MLIP: variants seen among roughly 807,000 people sequenced by gnomAD.
MLIP encodes muscular LMNA interacting protein.
Under a neutral mutation model 84.8 loss-of-function variants are expected in MLIP, and 79 were observed. The observed-to-expected ratio is 0.93, with a 90% confidence interval of 0.78 to 1.12. The LOEUF (loss-of-function observed/expected upper bound fraction) is 1.12. Among genes scored for constraint, MLIP ranks in the 50% most tolerant of loss-of-function variants. MLIP has a pLI of 0.00. For synonymous variants in MLIP, 504 were observed against 463.0 expected (o/e 1.09, Z -1.14); for missense variants, 1,257 against 1,160.6 (o/e 1.08, Z -1.21).
At chr6:54,030,919 C>T (rs1262511300) in intron 1 of MLIP, among the ~76,000 whole-genome samples, 2 of 151,986 alleles carry the variant, frequency 1.3e-5, no homozygotes, top group African/African-American at 4.8e-5. Flanking sequence ...AAATAGTGGA[C>T]ACAGTAGGGG....
At chr6:54,084,493 A>G (rs1767360073) in intron 1 of MLIP, among the ~76,000 whole-genome samples, 1 of 152,170 alleles carries the variant, frequency 6.6e-6, no homozygotes, top group African/African-American at 2.4e-5. Context: ...GAAATAAGAC[A>G]GGGAGAGGGT....
chr6:54,025,641 T>A (rs1270476385), intron 1 of MLIP, among the ~76,000 whole-genome samples: 1 of 152,210 alleles, frequency 6.6e-6, no homozygotes, highest in Non-Finnish European at 1.5e-5. Context: ...TTGCTGTGTT[T>A]TGGATTCAAC....
chr6:54,152,900 T>C (rs1172264822), intron 5 of MLIP, among the ~76,000 whole-genome samples: 1 of 152,126 alleles, frequency 6.6e-6, no homozygotes, highest in Non-Finnish European at 1.5e-5. Flanking sequence ...AATCAAAGAA[T>C]ATGCATCTTT....
At chr6:54,248,770 C>T (rs1187267544) in intron 12 of MLIP, among the ~76,000 whole-genome samples, 2 of 151,914 alleles carry the variant, frequency 1.3e-5, no homozygotes, top group African/African-American at 4.8e-5. Flanking sequence ...ACAGAAAATT[C>T]CTATGTTTTC....
chr6:54,252,381 A>G (rs1209065197), intron 12 of MLIP, among the ~76,000 whole-genome samples: 1 of 96,482 alleles, frequency 1.0e-5, no homozygotes, highest in Non-Finnish European at 1.9e-5. Context: ...TAACTATAAT[A>G]TATTATAACA....
chr6:54,090,906 C>T (rs1189345413), intron 1 of MLIP, among the ~76,000 whole-genome samples: 3 of 152,012 alleles, frequency 2.0e-5, no homozygotes, highest in Non-Finnish European at 4.4e-5. Context: ...CTGTACAGAC[C>T]AAAATGTATC....
At chr6:54,198,812 G>C (rs1199033280) in intron 10 of MLIP, among the ~76,000 whole-genome samples, 1 of 151,978 alleles carries the variant, frequency 6.6e-6, no homozygotes, top group Non-Finnish European at 1.5e-5. Flanking sequence ...AGACACAGTG[G>C]GAATTTGATG....
intron 8 of MLIP, among the ~76,000 whole-genome samples, chr6:54,162,115 A>G (rs1774702750): frequency 6.6e-6 from 1 of 151,986 alleles, no homozygotes. Context: ...AGCACCTACC[A>G]TAAGTCTGGT....
chr6:54,033,267 A>AT (rs1190645133), intron 1 of MLIP, among the ~76,000 whole-genome samples: 1,739 of 141,044 alleles, frequency 0.012, 22 homozygotes, highest in African/African-American at 0.032. Context: ...GGAGGAACTA[A>AT]TTTTTTTTTT....
intron 9 of MLIP, among the ~76,000 whole-genome samples, chr6:54,185,170 G>A (rs1365916967): frequency 1.3e-5 from 2 of 152,152 alleles, no homozygotes; most frequent in African/African-American, 2.4e-5. Flanking sequence ...GCATTAACCT[G>A]TATTAGACAT....
At chr6:54,199,919 C>T (rs2150707781) in intron 10 of MLIP, among the ~76,000 whole-genome samples, 1 of 152,058 alleles carries the variant, frequency 6.6e-6, no homozygotes, top group South Asian at 2.1e-4. Context: ...TTCATATAGC[C>T]CAAACCTGGG....
intron 8 of MLIP, among the ~76,000 whole-genome samples, chr6:54,166,368 C>T (rs1263790797): frequency 6.6e-6 from 1 of 151,770 alleles, no homozygotes; most frequent in Non-Finnish European, 1.5e-5. Context: ...CTTTCAATTC[C>T]TTTTCTCCAG....
intron 1 of MLIP, chr6:54,058,798 G>A (rs961942449): frequency 6.6e-6 from 1 of 152,106 alleles, no homozygotes; most frequent in African/African-American, 2.4e-5. Flanking sequence ...ATCAGATATT[G>A]GCTCAAAGAC....
chr6:54,245,180 C>G (rs1217138971), intron 12 of MLIP, among the ~76,000 whole-genome samples: 1 of 152,126 alleles, frequency 6.6e-6, no homozygotes, highest in Non-Finnish European at 1.5e-5. Flanking sequence ...TATGTTAAAT[C>G]AGGTTCCTTA....
At chr6:54,113,441 G>C (rs1029030136) in intron 1 of MLIP, among the ~76,000 whole-genome samples, 1 of 152,140 alleles carries the variant, frequency 6.6e-6, no homozygotes, top group African/African-American at 2.4e-5. Context: ...TGATAGATAA[G>C]TGGGCTCCTT....
chr6:54,087,838 C>T (rs920187788), intron 1 of MLIP, among the ~76,000 whole-genome samples: 22 of 148,074 alleles, frequency 1.5e-4, no homozygotes, highest in African/African-American at 5.4e-4. Flanking sequence ...TTAACTCCTC[C>T]ACTGTTTGAG....
chr6:54,227,923 C>T (rs1780692374), intron 11 of MLIP, among the ~76,000 whole-genome samples: 1 of 152,074 alleles, frequency 6.6e-6, no homozygotes, highest in Non-Finnish European at 1.5e-5. Context: ...GTGGCTCACG[C>T]CTGCAATCCC....
rs572738909 is a variant in MLIP at position 54,237,389 on chromosome 6, T to C, written c.2922+6472T>C. On this transcript the variant is annotated intron_variant, in intron 12 of 13. Coordinates refer to ENST00000502396, the MANE Select transcript of MLIP (RefSeq NM_001281747.2). ...GGCAAAGAAAAGTAGAAACAGGTAG[T>C]TTGAAGTTCAGAGGATGGTTGCTGC... Among the ~76,000 whole-genome samples, 7 of 152,150 alleles carry C rather than the reference T, an allele frequency of 4.6e-5. No individual in the cohort carries two copies. In the South Asian group the frequency reaches 1.2e-3, roughly 27 times the overall value.
rs532524070 is a variant in MLIP at position 54,265,073 on chromosome 6, C to A, written c.2977-877C>A. 1.8e-4 allele frequency among the ~76,000 whole-genome samples: 28 copies of A among 152,168 alleles called. No individual in the cohort carries two copies. The South Asian group carries it at 5.8e-3, about 32-fold the overall frequency. ...GCACAGACAGTTGCCTACAGAAAGG[C>A]AACTGACCTCCTTTATTTTCTACCA... is the stretch of plus-strand genomic sequence containing the variant. On this transcript the variant is annotated intron_variant, in intron 13 of 13. Transcript: ENST00000502396.
Sources: allele counts gnomAD v4.1 joint callset (sites outside exome capture counted in the v4.1 genomes callset), GRCh38; gene constraint gnomAD v4.1.1; transcripts MANE v1.5; gene names NCBI Gene and HGNC (gene_info 2026-07-23, HGNC 2026-07-21).